The following PKNOX2 variants were observed in gnomAD, a reference collection of about 807,000 sequenced individuals.
PKNOX2 encodes the protein PBX/knotted 1 homeobox 2.
PKNOX2 carries 14 observed loss-of-function variants against 53.1 expected under a neutral mutation model. The observed-to-expected ratio is 0.26, with a 90% CI of 0.17 to 0.41. The LOEUF is 0.41. PKNOX2 is among the 10% of genes least tolerant of loss of function. The pLI, the probability that PKNOX2 is intolerant of heterozygous loss-of-function variation, is 1.00. For missense variants in PKNOX2, 496 were observed against 602.8 expected, an observed-to-expected ratio of 0.82 and a Z score of 1.85; for synonymous variants, 257 against 242.8, an observed-to-expected ratio of 1.06 and a Z score of -0.54.
Position 125,331,920 on chromosome 11 carries a change from C to T in PKNOX2, c.-28C>T, listed in dbSNP as rs1435286252. 2.0e-5 allele frequency: 3 copies of T among 152,152 alleles called. No homozygotes were observed. Among genetic ancestry groups the T allele is most frequent in the East Asian group, 1.9e-4 (1 of 5,194 alleles). The allele number at this position is 152,152 out of a possible 1,614,324, so 9.4% of individuals were successfully genotyped here. A position where few individuals can be genotyped will look rare whatever the true frequency, so the allele number is the denominator to read the frequency against. On this transcript the variant is annotated 5_prime_UTR_variant, in exon 3 of 13. Coordinates refer to ENST00000298282, the MANE Select transcript of PKNOX2 (RefSeq NM_001382323.2). ...CCATCTCAGAGGCCCCGGGATCACC[C>T]GAACAGTAAGAAATGCTCTTCTGTC... is the stretch of plus-strand genomic sequence containing the variant.
intron 1 of PKNOX2, among the ~76,000 whole-genome samples, chr11:125,216,881 G>A (rs1940567490): frequency 1.3e-5 from 2 of 152,168 alleles, no homozygotes; most frequent in Non-Finnish European, 2.9e-5. Flanking sequence ...ATTAAAAGGT[G>A]AAGACTCCCA....
chr11:125,266,035 C>A (rs1405441873), intron 2 of PKNOX2, among the ~76,000 whole-genome samples: 1 of 152,142 alleles, frequency 6.6e-6, no homozygotes, highest in Admixed American at 6.5e-5. Context: ...CAGGTCTCTG[C>A]CCCGAGGCAG....
chr11:125,256,663 C>CTCCA (rs1409458176), intron 2 of PKNOX2, among the ~76,000 whole-genome samples: 3 of 152,194 alleles, frequency 2.0e-5, no homozygotes, highest in African/African-American at 7.2e-5. Context: ...AACCTCAGAG[C>CTCCA]TCCATTTTTG....
intron 4 of PKNOX2, among the ~76,000 whole-genome samples, chr11:125,362,193 A>G (rs1951961786): frequency 6.6e-6 from 1 of 152,052 alleles, no homozygotes; most frequent in Non-Finnish European, 1.5e-5. Flanking sequence ...TTTCACAGAG[A>G]GGGGAAAATC....
intron 1 of PKNOX2, among the ~76,000 whole-genome samples, chr11:125,224,856 T>C (rs773053102): frequency 7.9e-5 from 12 of 152,136 alleles, no homozygotes; most frequent in Non-Finnish European, 1.8e-4. Context: ...TGAAACAATA[T>C]TCAGGACCGC....
At chr11:125,339,384 T>C (rs897021315) in intron 3 of PKNOX2, among the ~76,000 whole-genome samples, 3 of 152,170 alleles carry the variant, frequency 2.0e-5, no homozygotes, top group African/African-American at 7.2e-5. Flanking sequence ...GAGGGGATGC[T>C]CCCTAACGAT....
At chr11:125,347,030 C>CG (rs1951018004) in intron 3 of PKNOX2, among the ~76,000 whole-genome samples, 1 of 152,102 alleles carries the variant, frequency 6.6e-6, no homozygotes. Context: ...CTCACTTCCC[C>CG]GGGGCTGAGA....
At chr11:125,283,688 A>AG (rs145970947) in intron 2 of PKNOX2, among the ~76,000 whole-genome samples, 123 of 152,202 alleles carry the variant, frequency 8.1e-4, no homozygotes, top group Non-Finnish European at 1.4e-3. Context: ...GGAAGAACAG[A>AG]AGTGTCACTT....
intron 5 of PKNOX2, among the ~76,000 whole-genome samples, chr11:125,380,723 C>T (rs1232656227): frequency 6.6e-6 from 1 of 152,200 alleles, no homozygotes; most frequent in Non-Finnish European, 1.5e-5. Context: ...AACTGGGAAT[C>T]CTTCTCCCCA....
chr11:125,229,950 T>C (rs1173353327), intron 1 of PKNOX2, among the ~76,000 whole-genome samples: 2 of 152,234 alleles, frequency 1.3e-5, no homozygotes, highest in African/African-American at 4.8e-5. Context: ...TATGTCCACT[T>C]CTTCCTCCCA....
In PKNOX2 at chr11:125,165,769, C is replaced by T. The variant is rs1338289128; in HGVS notation, c.-201+993C>T. On this transcript the variant is annotated intron_variant, in intron 1 of 12. Coordinates refer to ENST00000298282, the MANE Select transcript of PKNOX2 (RefSeq NM_001382323.2). The surrounding 1 kb of genome is among the most constrained non-coding windows in gnomAD (Gnocchi z 4.5). Reference sequence around the variant, plus strand: ...GCTTGGGAATCGGGAGCCCTTCTGGCTCGAGAACTAGGGGATGAGTTCGTA... The same window carrying T: ...GCTTGGGAATCGGGAGCCCTTCTGGTTCGAGAACTAGGGGATGAGTTCGTA... 6.6e-6 allele frequency among the ~76,000 whole-genome samples: 1 copy of T among 152,182 alleles called. No individual in the cohort carries two copies. The highest frequency in any genetic ancestry group is 1.5e-5 in the Non-Finnish European group (1 of 68,022).
intron 2 of PKNOX2, among the ~76,000 whole-genome samples, chr11:125,293,828 C>G (rs918807712): frequency 1.3e-5 from 2 of 152,052 alleles, no homozygotes; most frequent in African/African-American, 4.8e-5. Context: ...CACACTCACT[C>G]ACACTCACAC....
At chr11:125,201,034 A>G (rs1327203347) in intron 1 of PKNOX2, among the ~76,000 whole-genome samples, 2 of 152,088 alleles carry the variant, frequency 1.3e-5, no homozygotes, top group African/African-American at 4.8e-5. Context: ...AATGCAGACC[A>G]CTGTCCTCAG....
At chr11:125,264,802 G>A (rs1184491275) in intron 2 of PKNOX2, among the ~76,000 whole-genome samples, 2 of 152,086 alleles carry the variant, frequency 1.3e-5, no homozygotes, top group Non-Finnish European at 2.9e-5. Context: ...AAGCCCCCTA[G>A]GGATGTGGGG....
chr11:125,285,383 CAG>C (rs1946833538), intron 2 of PKNOX2, among the ~76,000 whole-genome samples: 1 of 152,184 alleles, frequency 6.6e-6, no homozygotes, highest in Admixed American at 6.5e-5. Flanking sequence ...ATAGAATAAA[CAG>C]AGAAGGCACA....
intron 5 of PKNOX2, among the ~76,000 whole-genome samples, chr11:125,385,338 C>T (rs917981469): frequency 6.6e-6 from 1 of 152,192 alleles, no homozygotes. Context: ...GGACAGAAGC[C>T]TCTTAAGCCC....
At chr11:125,348,027 G>A (rs534990266) in intron 3 of PKNOX2, among the ~76,000 whole-genome samples, 21 of 152,282 alleles carry the variant, frequency 1.4e-4, no homozygotes, top group African/African-American at 4.1e-4. Context: ...CCGGGGCTAG[G>A]TTTGCAGGGG....
intron 2 of PKNOX2, among the ~76,000 whole-genome samples, chr11:125,331,069 C>G (rs1366458895): frequency 6.6e-6 from 1 of 151,678 alleles, no homozygotes; most frequent in African/African-American, 2.4e-5. Flanking sequence ...CAATTAGCAA[C>G]TCATCCACAA....
At position 125,273,378 on chromosome 11, in the gene PKNOX2, G is replaced by A. The variant is rs34180725; in HGVS notation, c.-130+38263G>A. On this transcript the variant is annotated intron_variant, in intron 2 of 12. Transcript: ENST00000298282. ...ATGCAAAAGGAGGATGGGCAGATGG[G>A]AGAAGGAGGGAAGGTGGACCGAGGG... Among the ~76,000 whole-genome samples, 1,461 of 152,332 alleles carry A rather than the reference G, an allele frequency of 9.6e-3. 13 individuals are homozygous for A. The highest frequency in any genetic ancestry group is 0.017 in the Non-Finnish European group (1,129 of 68,028).
Sources: allele counts gnomAD v4.1 joint callset (sites outside exome capture counted in the v4.1 genomes callset), GRCh38; gene constraint gnomAD v4.1.1; non-coding constraint Gnocchi (gnomAD v3.1); transcripts MANE v1.5; gene names NCBI Gene and HGNC (gene_info 2026-07-23, HGNC 2026-07-21).